The following CRTC3 variants were observed in gnomAD, a reference collection of about 807,000 sequenced individuals.
CRTC3 encodes the protein CREB-regulated transcription coactivator 3.
CRTC3 carries 26 observed loss-of-function variants against 74.5 expected under a neutral mutation model. The ratio of observed to expected loss-of-function variants is 0.35; its 90% CI spans 0.26 to 0.48. The LOEUF (loss-of-function observed/expected upper bound fraction) is 0.48, where lower values mean the gene tolerates loss of function less well. CRTC3 is among the 20% of genes least tolerant of loss of function. CRTC3 has a pLI of 0.99. For synonymous variants in CRTC3, 377 were observed against 325.8 expected (o/e 1.16, Z -1.69); for missense variants, 760 against 787.3 (o/e 0.97, Z 0.41).
At chr15:90,557,519 C>T (rs183373583) in intron 2 of CRTC3, among the ~76,000 whole-genome samples, 3 of 152,180 alleles carry the variant, frequency 2.0e-5, no homozygotes, top group Admixed American at 6.5e-5. Context: ...AAATGGTGCC[C>T]CTCTTTGAGG....
chr15:90,587,758 C>T (rs7496865), intron 2 of CRTC3, among the ~76,000 whole-genome samples: 1 of 151,078 alleles, frequency 6.6e-6, no homozygotes. Context: ...GGACTACAAG[C>T]GTGAACCACC....
intron 4 of CRTC3, 109 bp from the exon 5 acceptor site, chr15:90,604,276 G>A (rs1968158819): frequency 2.5e-6 from 2 of 794,936 alleles, no homozygotes; most frequent in African/African-American, 1.7e-5. Flanking sequence ...AGTAACTCTT[G>A]CAGAGCGAGG....
At chr15:90,603,961 CTT>C (rs572167935) in intron 4 of CRTC3, among the ~76,000 whole-genome samples, 322 of 152,228 alleles carry the variant, frequency 2.1e-3, no homozygotes, top group African/African-American at 7.6e-3. Context: ...CAAGAAATGT[CTT>C]CTGCTTTTCA....
intron 2 of CRTC3, among the ~76,000 whole-genome samples, chr15:90,549,338 A>G (rs577622165): frequency 5.9e-5 from 9 of 152,152 alleles, no homozygotes; most frequent in African/African-American, 2.2e-4. Flanking sequence ...TTGATCACAT[A>G]CTGGGCCAAA....
At chr15:90,560,473 C>G (rs1354167538) in intron 2 of CRTC3, among the ~76,000 whole-genome samples, 2 of 152,228 alleles carry the variant, frequency 1.3e-5, no homozygotes, top group Admixed American at 1.3e-4. Context: ...GGGCAGAATT[C>G]GCTTTTAGCT....
intron 5 of CRTC3, among the ~76,000 whole-genome samples, chr15:90,606,482 A>G (rs529369025): frequency 3.9e-5 from 6 of 152,282 alleles, no homozygotes; most frequent in African/African-American, 1.4e-4. Flanking sequence ...GAATTTCTTG[A>G]ACACGGGAGG....
chr15:90,615,959 A>C (rs1004313775), intron 7 of CRTC3, among the ~76,000 whole-genome samples: 1 of 151,722 alleles, frequency 6.6e-6, no homozygotes, highest in Non-Finnish European at 1.5e-5. Context: ...TCCTGGGTTC[A>C]AGCGATTCTC....
chr15:90,530,103 A>G lies in CRTC3; in HGVS notation c.32A>G (p.Asn11Ser). The change falls in exon 1 of 15, where the codon AAC (asparagine) becomes AGC (serine). Residue 11 changes from asparagine (N) to serine (S), a missense_variant. Physicochemically the swap from Asn to Ser is conservative, Grantham distance 46 (BLOSUM62 1). This residue lies in a region of CRTC3 where 108 missense variants were observed against 152.1 expected (regional missense o/e 0.71). Coordinates refer to ENST00000268184, the MANE Select transcript of CRTC3 (RefSeq NM_022769.5). This position sits in a 1 kb window ranked among gnomAD's most constrained non-coding sequence, Gnocchi z 6.2. ...GCCTCGCCGGGCTCGGGCAGCGCCA[A>G]CCCGCGGAAGTTCAGTGAGAAGATC... Reference protein sequence around the residue: MAASPGSGSANPRKFSEKIAL... With the variant: MAASPGSGSASPRKFSEKIAL... 1.4e-6 allele frequency: 2 copies of G among 1,450,692 alleles called. No individual in the cohort carries two copies. The highest frequency in any genetic ancestry group is 2.0e-5 in the Admixed American group (1 of 49,070). The allele number at this position is 1,450,692 out of a possible 1,614,324, so 89.9% of individuals were successfully genotyped here.
chr15:90,573,932 G>C (rs1305968735), intron 2 of CRTC3, among the ~76,000 whole-genome samples: 1 of 152,136 alleles, frequency 6.6e-6, no homozygotes, highest in Non-Finnish European at 1.5e-5. Context: ...TGAATATATA[G>C]TCCACCTCAT....
chr15:90,553,129 A>T (rs1021210652), intron 2 of CRTC3, among the ~76,000 whole-genome samples: 1 of 152,180 alleles, frequency 6.6e-6, no homozygotes. Flanking sequence ...ACTGATTACT[A>T]ATATCATCTA....
chr15:90,533,939 G>A (rs1966675662), intron 1 of CRTC3, among the ~76,000 whole-genome samples: 1 of 152,080 alleles, frequency 6.6e-6, no homozygotes, highest in East Asian at 1.9e-4. Context: ...AGAGGATGAG[G>A]AGGGGATGTG....
intron 1 of CRTC3, chr15:90,539,765 C>A: frequency 2.8e-6 from 1 of 361,272 alleles, no homozygotes; most frequent in Non-Finnish European, 5.0e-6. Flanking sequence ...AAGATTATGC[C>A]AGTGTATCCA....
At chr15:90,544,222 T>C (rs1966840407) in intron 2 of CRTC3, among the ~76,000 whole-genome samples, 1 of 152,222 alleles carries the variant, frequency 6.6e-6, no homozygotes, top group Non-Finnish European at 1.5e-5. Context: ...CATCACTTAC[T>C]CTCTGCCTCT....
Position 90,545,387 on chromosome 15 carries a change from A to G in CRTC3, c.231+5250A>G, listed in dbSNP as rs554652647. On this transcript the variant is annotated intron_variant, in intron 2 of 14. Coordinates refer to ENST00000268184, the MANE Select transcript of CRTC3 (RefSeq NM_022769.5). ...AAGTAGGATTGCTGAATCATATGACAATTGTGGTTTTAATTTTTTTTTTTT... is the reference window on the plus strand; with the variant it reads ...AAGTAGGATTGCTGAATCATATGACGATTGTGGTTTTAATTTTTTTTTTTT... Among the ~76,000 whole-genome samples the G allele has an allele frequency of 8.9e-5, 13 of 145,278 alleles. No individual in the cohort carries two copies. In the South Asian group the frequency reaches 1.1e-3, roughly 12 times the overall value.
chr15:90,616,624 C>T (rs1968500674), intron 7 of CRTC3, among the ~76,000 whole-genome samples: 1 of 152,202 alleles, frequency 6.6e-6, no homozygotes, highest in South Asian at 2.1e-4. Flanking sequence ...GTGTCCCTAA[C>T]TTGGAATCCC....
At chr15:90,593,415 C>T (rs1176434142) in intron 2 of CRTC3, among the ~76,000 whole-genome samples, 1 of 152,200 alleles carries the variant, frequency 6.6e-6, no homozygotes. Context: ...ATTCTTTCAG[C>T]TTTCCTCTTA....
At position 90,558,845 on chromosome 15, in the gene CRTC3, G is replaced by A. The variant is rs535381690; in HGVS notation, c.231+18708G>A. Among the ~76,000 whole-genome samples, 6 of 151,762 alleles carry A rather than the reference G, an allele frequency of 4.0e-5. No individual in the cohort carries two copies. The East Asian group carries it at 1.2e-3, about 30-fold the overall frequency. ...CGGCTCACTGCAACCTCCACCTCCC[G>A]GGTTCAAGCCATTCTCCTGCCTCAG... On this transcript the variant is annotated intron_variant, in intron 2 of 14. Coordinates refer to ENST00000268184, the MANE Select transcript of CRTC3 (RefSeq NM_022769.5).
At chr15:90,634,761 TCTGA>T (rs1201282347) in intron 11 of CRTC3, 13 of 1,082,686 alleles carry the variant, frequency 1.2e-5, no homozygotes, top group African/African-American at 4.7e-5. Context: ...TTTTCCACTC[TCTGA>T]CTGAGTATTG....
At chr15:90,641,641 G>T (rs567717337) in intron 14 of CRTC3, among the ~76,000 whole-genome samples, 1 of 151,280 alleles carries the variant, frequency 6.6e-6, no homozygotes, top group African/African-American at 2.4e-5. Flanking sequence ...AGCTTGCAGT[G>T]AGCCGAGATT....
Sources: gnomAD v4.1 joint callset for allele counts (sites outside exome capture counted in the v4.1 genomes callset) on GRCh38, gnomAD v4.1.1 for gene constraint, gnomAD v4.1.1 regional missense constraint, Gnocchi (gnomAD v3.1) non-coding constraint, MANE v1.5 for transcripts, NCBI Gene and HGNC (gene_info 2026-07-23, HGNC 2026-07-21) for gene names.